Variants in GRAMD1B observed in about 807,000 individuals in gnomAD.
GRAMD1B encodes protein Aster-B.
Under a neutral mutation model 99.7 loss-of-function variants are expected in GRAMD1B, and 37 were observed. That is an observed-to-expected ratio of 0.37 (90% CI 0.29 to 0.49). The LOEUF is 0.49. GRAMD1B is among the 20% of genes least tolerant of loss of function. The pLI, the probability that GRAMD1B is intolerant of heterozygous loss-of-function variation, is 0.98. For synonymous variants in GRAMD1B, 427 were observed against 387.6 expected, an observed-to-expected ratio of 1.10 and a Z score of -1.19; for missense variants, 888 against 1,009.2, an observed-to-expected ratio of 0.88 and a Z score of 1.63.
Position 123,370,322 on chromosome 11 carries a change from A to G in GRAMD1B, c.-176+11523A>G, listed in dbSNP as rs1223355911. 1.3e-5 allele frequency among the ~76,000 whole-genome samples: 2 copies of G among 150,726 alleles called. 1 individual carries two copies. Among genetic ancestry groups the G allele is most frequent in the Non-Finnish European group, 2.9e-5 (2 of 67,832 alleles). ...CAGAGCGAGACTCCATCTAAAAAAA[A>G]AAAAGAAGTTATCTCTTTTTTTTTT... On this transcript the variant is annotated intron_variant, in intron 1 of 20. Coordinates refer to the GRAMD1B transcript ENST00000638157.
chr11:123,427,249 ACTTTTG>A (rs1371734246), upstream of GRAMD1B, among the ~76,000 whole-genome samples: 1 of 152,138 alleles, frequency 6.6e-6, no homozygotes, highest in African/African-American at 2.4e-5. Flanking sequence ...GTTTCTCTAC[ACTTTTG>A]GAGGCCTCTA....
intron 2 of GRAMD1B, among the ~76,000 whole-genome samples, chr11:123,564,961 G>T (rs1947182716): frequency 1.3e-5 from 2 of 152,134 alleles, no homozygotes; most frequent in African/African-American, 4.8e-5. Context: ...AAATACTTTG[G>T]GTGGGATTGT....
At chr11:123,474,196 A>G (rs1424534187) in intron 1 of GRAMD1B, among the ~76,000 whole-genome samples, 1 of 152,144 alleles carries the variant, frequency 6.6e-6, no homozygotes, top group Non-Finnish European at 1.5e-5. Flanking sequence ...TGCCCTAAAC[A>G]TGTTCTACAG....
At chr11:123,426,803 T>C (rs1948669160), upstream of GRAMD1B, among the ~76,000 whole-genome samples, 1 of 152,150 alleles carries the variant, frequency 6.6e-6, no homozygotes, top group South Asian at 2.1e-4. Context: ...CCAGGAGAAA[T>C]CTAGTCTGGA....
At chr11:123,437,346 A>C (rs2134233745) in intron 1 of GRAMD1B, among the ~76,000 whole-genome samples, 1 of 152,324 alleles carries the variant, frequency 6.6e-6, no homozygotes, top group East Asian at 1.9e-4. Context: ...AGGTTCAGAA[A>C]ACTCAGAAAT....
chr11:123,562,682 A>G (rs1164358469), intron 2 of GRAMD1B, among the ~76,000 whole-genome samples: 2 of 152,190 alleles, frequency 1.3e-5, no homozygotes, highest in Non-Finnish European at 2.9e-5. Context: ...AGATCCTCAT[A>G]TAAACACTCA....
chr11:123,598,129 G>A (rs200950660), intron 7 of GRAMD1B: 3 of 1,592,260 alleles, frequency 1.9e-6, no homozygotes, highest in African/African-American at 2.7e-5. Context: ...CAGTGTTTGG[G>A]ATGCCCAAAC....
In GRAMD1B at chr11:123,616,229, G is replaced by T. The variant is rs543494910; in HGVS notation, c.2318+1394G>T. On this transcript the variant is annotated intron_variant, in intron 17 of 19. Coordinates refer to ENST00000635736, the MANE Select transcript of GRAMD1B (RefSeq NM_001387025.1). ...CCCAGCTACTCGGGAGGCTGAGGCAGGAGAATGGCGTGAACCCGGGAGGTA... is the reference window on the plus strand; with the variant it reads ...CCCAGCTACTCGGGAGGCTGAGGCATGAGAATGGCGTGAACCCGGGAGGTA... Among the ~76,000 whole-genome samples the T allele has an allele frequency of 4.3e-4, 65 of 152,310 alleles. No homozygotes were observed. In the South Asian group the frequency reaches 0.013, roughly 30 times the overall value.
intron 2 of GRAMD1B, among the ~76,000 whole-genome samples, chr11:123,519,709 A>G (rs1942016105): frequency 6.6e-6 from 1 of 152,222 alleles, no homozygotes; most frequent in South Asian, 2.1e-4. Context: ...GGAGAGCAGC[A>G]CAGAATCCAA....
chr11:123,472,564 A>G (rs1951069961), intron 1 of GRAMD1B, among the ~76,000 whole-genome samples: 1 of 152,244 alleles, frequency 6.6e-6, no homozygotes, highest in African/African-American at 2.4e-5. Flanking sequence ...AGGCGAAAGA[A>G]AGAGAAAGAA....
At chr11:123,562,578 T>C (rs1714057105) in intron 2 of GRAMD1B, among the ~76,000 whole-genome samples, 2 of 152,208 alleles carry the variant, frequency 1.3e-5, no homozygotes, top group Admixed American at 1.3e-4. Context: ...CACAAAATAT[T>C]CTCCAGATGT....
chr11:123,457,103 C>A lies in GRAMD1B; in HGVS notation c.375-23713C>A, dbSNP rs558546583. On this transcript the variant is annotated intron_variant, in intron 1 of 19. Coordinates refer to ENST00000635736, the MANE Select transcript of GRAMD1B (RefSeq NM_001387025.1). Reference sequence around the variant, plus strand: ...CTCTAACCTGGGTGACAGAGAGAGACCCTTTCTGAGAAAAAAAGAAAGAAA... The same window carrying A: ...CTCTAACCTGGGTGACAGAGAGAGAACCTTTCTGAGAAAAAAAGAAAGAAA... 2.9e-4 allele frequency among the ~76,000 whole-genome samples: 14 copies of A among 48,568 alleles called. 1 individual carries two copies. The highest frequency in any genetic ancestry group is 4.3e-4 in the Non-Finnish European group (10 of 23,012). The allele number at this position is 48,568 out of a possible 152,430, so 31.9% of individuals were successfully genotyped here.
At chr11:123,570,823 G>C (rs1947996319) in intron 2 of GRAMD1B, among the ~76,000 whole-genome samples, 1 of 152,216 alleles carries the variant, frequency 6.6e-6, no homozygotes, top group Admixed American at 6.5e-5. Context: ...TAACACAGTA[G>C]TCCTATGAGA....
chr11:123,368,261 A>AC, intron 1 of GRAMD1B, among the ~76,000 whole-genome samples: 2 of 137,040 alleles, frequency 1.5e-5, no homozygotes, highest in African/African-American at 3.1e-5. Context: ...CTTAAAACAA[A>AC]AAAAAAAAAA....
At chr11:123,444,901 C>T (rs975358817) in intron 1 of GRAMD1B, among the ~76,000 whole-genome samples, 1 of 152,188 alleles carries the variant, frequency 6.6e-6, no homozygotes, top group African/African-American at 2.4e-5. Context: ...CCTCTAGTCA[C>T]TTGGTCTTTC....
In GRAMD1B at chr11:123,608,695, G is replaced by T; in HGVS notation, c.1550G>T (p.Arg517Leu). 1 of 1,567,236 alleles carries T rather than the reference G, an allele frequency of 6.4e-7. No individual in the cohort carries two copies. The highest frequency in any genetic ancestry group is 8.7e-7 in the Non-Finnish European group (1 of 1,154,848). Residue 517 changes from arginine to leucine, a missense_variant, in exon 12 of 20, where the codon CGG becomes CTG. Arg to Leu is a moderately radical substitution (Grantham distance 102). Coordinates refer to ENST00000635736, the MANE Select transcript of GRAMD1B (RefSeq NM_001387025.1). ...GCCTTCTATGAGGACCTGAGTGGCC[G>T]GCAGTACGTGAATGAAGTCTTCAAC... is the stretch of plus-strand genomic sequence containing the variant. ...VQAFYEDLSG[R>L]QYVNEVFNFS... is the part of the protein sequence containing the mutation.
chr11:123,556,645 G>A (rs1198553959), intron 2 of GRAMD1B, among the ~76,000 whole-genome samples: 3 of 152,188 alleles, frequency 2.0e-5, no homozygotes, highest in African/African-American at 7.2e-5. Context: ...TGAAGGAAAG[G>A]TTTAATTCAG....
intron 1 of GRAMD1B, among the ~76,000 whole-genome samples, chr11:123,475,161 C>T (rs1951204843): frequency 6.6e-6 from 1 of 152,128 alleles, no homozygotes. Flanking sequence ...CTGCACGTGT[C>T]CTGGGTACAG....
In GRAMD1B at chr11:123,613,624, T is replaced by C; in HGVS notation, c.2193T>C (p.Asp731=). The C allele has an allele frequency of 6.2e-7, 1 of 1,613,404 alleles. No homozygotes were observed. Among genetic ancestry groups the C allele is most frequent in the East Asian group, 2.2e-5 (1 of 44,866 alleles). Residue 731 remains aspartate, a synonymous_variant, in exon 16 of 20, where the codon GAT becomes GAC. Transcript: ENST00000635736. ...TGAGCCCGGTCACCACGCCCACAGA[T>C]GAGGATGTGGGCCACAGGATCAAAC... ...EVMSPVTTPT[D]EDVGHRIKHV...
Sources: allele counts gnomAD v4.1 joint callset (sites outside exome capture counted in the v4.1 genomes callset), GRCh38; gene constraint gnomAD v4.1.1; transcripts MANE v1.5; gene names NCBI Gene and HGNC (gene_info 2026-07-23, HGNC 2026-07-21).